Variants in SPOCK1 observed in about 807,000 individuals in gnomAD.
SPOCK1 encodes the protein testican-1.
In SPOCK1, 23 loss-of-function variants were observed where a neutral mutation model predicts 55.3. The observed-to-expected ratio is 0.42, with a 90% confidence interval of 0.30 to 0.59. The LOEUF (loss-of-function observed/expected upper bound fraction) is 0.59, where lower values mean the gene tolerates loss of function less well. SPOCK1 is among the 20% of genes least tolerant of loss of function. The pLI is 0.22. For synonymous variants in SPOCK1, 226 were observed against 221.0 expected (o/e 1.02, Z -0.20); for missense variants, 499 against 552.5 (o/e 0.90, Z 0.97).
chr5:137,407,933 G>T (rs1179342858), intron 2 of SPOCK1, among the ~76,000 whole-genome samples: 2 of 152,070 alleles, frequency 1.3e-5, no homozygotes, highest in Non-Finnish European at 2.9e-5. Flanking sequence ...ATGCTTGCTG[G>T]CTGCCTCTCC....
chr5:137,056,902 G>C (rs1216442549), intron 6 of SPOCK1, among the ~76,000 whole-genome samples: 1 of 152,060 alleles, frequency 6.6e-6, no homozygotes, highest in Non-Finnish European at 1.5e-5. Flanking sequence ...AGGTGGGCTA[G>C]GTTTGTTCAT....
chr5:137,110,350 G>A (rs1158687559), intron 5 of SPOCK1, among the ~76,000 whole-genome samples: 1 of 152,200 alleles, frequency 6.6e-6, no homozygotes. Context: ...GTCATCACCT[G>A]GGAAACTGCT....
chr5:137,479,384 A>C (rs866527319), intron 2 of SPOCK1, among the ~76,000 whole-genome samples: 5 of 152,308 alleles, frequency 3.3e-5, no homozygotes, highest in Admixed American at 6.5e-5. Context: ...CATGAGGACC[A>C]CCTATAGGTG....
chr5:137,190,954 C>G (rs1406899549), intron 3 of SPOCK1, among the ~76,000 whole-genome samples: 1 of 152,184 alleles, frequency 6.6e-6, no homozygotes, highest in Non-Finnish European at 1.5e-5. Flanking sequence ...GTTTCAGAGC[C>G]TTAGGAAATA....
intron 4 of SPOCK1, among the ~76,000 whole-genome samples, chr5:137,121,509 T>C (rs923494560): frequency 6.6e-6 from 1 of 150,770 alleles, no homozygotes; most frequent in Non-Finnish European, 1.5e-5. Context: ...CTTTGGAACA[T>C]TACTTGAATC....
chr5:137,009,433 A>G (rs1751310345), intron 6 of SPOCK1, among the ~76,000 whole-genome samples: 1 of 152,252 alleles, frequency 6.6e-6, no homozygotes, highest in Admixed American at 6.5e-5. Context: ...AGTGCAGAAT[A>G]GTGTATATTC....
chr5:137,341,186 A>T lies in SPOCK1; in HGVS notation c.187-74131T>A, dbSNP rs536197350. 2.6e-5 allele frequency among the ~76,000 whole-genome samples: 4 copies of T among 152,374 alleles called. No homozygotes were observed. The South Asian group carries it at 8.3e-4, about 32-fold the overall frequency. On this transcript the variant is annotated intron_variant, in intron 2 of 10. Transcript: ENST00000394945. Reference sequence around the variant, plus strand: ...GCATTATGTTCTGCACGCGCTTGGCAGACACTTTATGCTCTGCAAGGCAAG... The same window carrying T: ...GCATTATGTTCTGCACGCGCTTGGCTGACACTTTATGCTCTGCAAGGCAAG...
chr5:137,132,423 A>G (rs1456602963), intron 4 of SPOCK1, among the ~76,000 whole-genome samples: 1 of 152,080 alleles, frequency 6.6e-6, no homozygotes, highest in Admixed American at 6.5e-5. Context: ...TTTCTAATCC[A>G]CTGAAATCCG....
chr5:137,146,718 T>A (rs1332362640), intron 3 of SPOCK1, among the ~76,000 whole-genome samples: 1 of 152,200 alleles, frequency 6.6e-6, no homozygotes, highest in East Asian at 1.9e-4. Flanking sequence ...AATAGAAGAT[T>A]CTGCCCATAG....
At chr5:137,410,580 C>T (rs549213639) in intron 2 of SPOCK1, among the ~76,000 whole-genome samples, 2 of 152,296 alleles carry the variant, frequency 1.3e-5, no homozygotes, top group African/African-American at 4.8e-5. Flanking sequence ...GGATAATTGG[C>T]CCAGAAGATA....
intron 3 of SPOCK1, among the ~76,000 whole-genome samples, chr5:137,212,911 A>G (rs921812954): frequency 1.3e-5 from 2 of 152,124 alleles, no homozygotes; most frequent in African/African-American, 4.8e-5. Flanking sequence ...CATAACCCCA[A>G]GCTTAGCCTC....
At chr5:137,477,437 A>C (rs145517858) in intron 2 of SPOCK1, among the ~76,000 whole-genome samples, 306 of 152,122 alleles carry the variant, frequency 2.0e-3, no homozygotes, top group African/African-American at 7.1e-3. Context: ...AATTCTGGAG[A>C]GGCACAATCC....
chr5:137,465,700 T>G (rs576357233), intron 2 of SPOCK1, among the ~76,000 whole-genome samples: 38 of 152,318 alleles, frequency 2.5e-4, no homozygotes, highest in East Asian at 5.8e-4. Context: ...AATTAATCTA[T>G]TTAGGTAAGC....
chr5:137,363,893 A>G (rs1258777772), intron 2 of SPOCK1, among the ~76,000 whole-genome samples: 1 of 152,234 alleles, frequency 6.6e-6, no homozygotes, highest in Non-Finnish European at 1.5e-5. Flanking sequence ...GCACAAATCC[A>G]TGCTCAGAAT....
intron 6 of SPOCK1, among the ~76,000 whole-genome samples, chr5:137,007,532 TGAA>T (rs1751273359): frequency 6.6e-6 from 1 of 152,094 alleles, no homozygotes; most frequent in Non-Finnish European, 1.5e-5. Context: ...AAGCAACATA[TGAA>T]AAAAGCTCAT....
chr5:137,392,740 A>G (rs868560117), intron 2 of SPOCK1, among the ~76,000 whole-genome samples: 7 of 152,228 alleles, frequency 4.6e-5, no homozygotes, highest in African/African-American at 1.4e-4. Context: ...GAAAGCTGCA[A>G]TTATTAATCT....
At chr5:137,379,516 T>A (rs1343248432) in intron 2 of SPOCK1, among the ~76,000 whole-genome samples, 1 of 149,788 alleles carries the variant, frequency 6.7e-6, no homozygotes, top group Non-Finnish European at 1.5e-5. Flanking sequence ...TAACAAGATC[T>A]CTTAATACCC....
chr5:137,036,101 G>A (rs896459595), intron 6 of SPOCK1, among the ~76,000 whole-genome samples: 1 of 152,182 alleles, frequency 6.6e-6, no homozygotes, highest in Non-Finnish European at 1.5e-5. Flanking sequence ...AGCAAAAAAG[G>A]ACTAAGCAAC....
intron 2 of SPOCK1, among the ~76,000 whole-genome samples, chr5:137,290,456 G>A (rs1446735721): frequency 1.3e-5 from 2 of 152,208 alleles, no homozygotes; most frequent in African/African-American, 4.8e-5. Flanking sequence ...GAGGTGAAAG[G>A]AGTCAGGAGG....
Sources: gnomAD v4.1 joint callset for allele counts (sites outside exome capture counted in the v4.1 genomes callset) on GRCh38, gnomAD v4.1.1 for gene constraint, MANE v1.5 for transcripts, NCBI Gene and HGNC (gene_info 2026-07-23, HGNC 2026-07-21) for gene names.